Variants in TMEM132B observed in about 807,000 individuals in gnomAD.
TMEM132B encodes the protein transmembrane protein 132B.
Under a neutral mutation model 90.8 loss-of-function variants are expected in TMEM132B, and 18 were observed. The ratio of observed to expected loss-of-function variants is 0.20; its 90% CI spans 0.14 to 0.29. TMEM132B has a LOEUF of 0.29. Among genes scored for constraint, TMEM132B ranks in the 10% least tolerant of loss-of-function variants. The probability of loss-of-function intolerance (pLI) is 1.00; values close to 1 mark genes in which losing one functional copy is unlikely to be tolerated. For missense variants in TMEM132B, 1,096 were observed against 1,326.8 expected (o/e 0.83, Z 2.70); for synonymous variants, 504 against 523.3 (o/e 0.96, Z 0.50).
At chr12:125,637,496 GGGA>G (rs1427408087) in intron 5 of TMEM132B, among the ~76,000 whole-genome samples, 2 of 152,180 alleles carry the variant, frequency 1.3e-5, no homozygotes, top group African/African-American at 2.4e-5. Context: ...ATACATTTTA[GGGA>G]GGCATGAGAC....
chr12:125,462,048 T>C (rs1022821678), intron 3 of TMEM132B, among the ~76,000 whole-genome samples: 1 of 152,264 alleles, frequency 6.6e-6, no homozygotes, highest in Non-Finnish European at 1.5e-5. Flanking sequence ...TTGGCTGGGC[T>C]GGCTCACATG....
rs11307058 is a variant in TMEM132B, at chr12:125,262,245, CAA to C, written c.67+75399_67+75400del. Among the ~76,000 whole-genome samples, 335 of 84,272 alleles carry C rather than the reference CAA, an allele frequency of 4.0e-3. 2 individuals are homozygous for C. Among genetic ancestry groups the C allele is most frequent in the Non-Finnish European group, 5.3e-3 (220 of 41,258 alleles). The allele number at this position is 84,272 out of a possible 152,430, so 55.3% of individuals were successfully genotyped here. On this transcript the variant is annotated intron_variant, in intron 1 of 8. Coordinates refer to ENST00000682704, the MANE Select transcript of TMEM132B (RefSeq NM_001366854.1). ...GCAACATAACAAGACCCTGTTTCTA[CAA>C]AAAAAAAAAAAAAAAAAAAGGAAAC...
chr12:125,210,352 T>C (rs918700491), intron 1 of TMEM132B, among the ~76,000 whole-genome samples: 1 of 152,186 alleles, frequency 6.6e-6, no homozygotes, highest in Non-Finnish European at 1.5e-5. Context: ...GCAGCAGAGC[T>C]GCTGTGGGGG....
intron 2 of TMEM132B, among the ~76,000 whole-genome samples, chr12:125,392,063 G>A (rs1354272258): frequency 6.6e-6 from 1 of 152,150 alleles, no homozygotes; most frequent in African/African-American, 2.4e-5. Context: ...CACTGTGCCC[G>A]GCCTTAGTTT....
chr12:125,295,710 C>T (rs568247562), intron 1 of TMEM132B, among the ~76,000 whole-genome samples: 1 of 152,226 alleles, frequency 6.6e-6, no homozygotes, highest in Non-Finnish European at 1.5e-5. Context: ...CCATGTTGTA[C>T]TTAAAGCCAG....
chr12:125,388,900 C>A (rs1274152199), intron 2 of TMEM132B, among the ~76,000 whole-genome samples: 1 of 152,216 alleles, frequency 6.6e-6, no homozygotes, highest in African/African-American at 2.4e-5. Context: ...ACTACAAAAG[C>A]AATTCCTACT....
intron 3 of TMEM132B, among the ~76,000 whole-genome samples, chr12:125,507,006 AG>A: frequency 6.6e-6 from 1 of 152,384 alleles, no homozygotes; most frequent in Non-Finnish European, 1.5e-5. Context: ...ACTCCTTTGC[AG>A]GAAAATTGCC....
chr12:125,277,787 A>T lies in TMEM132B; in HGVS notation c.68-71665A>T, dbSNP rs894258424. Among the ~76,000 whole-genome samples, 5 of 152,150 alleles carry T rather than the reference A, an allele frequency of 3.3e-5. No homozygotes were observed. Among genetic ancestry groups the T allele is most frequent in the Admixed American group, 2.6e-4 (4 of 15,282 alleles). On this transcript the variant is annotated intron_variant, in intron 1 of 8. Transcript: ENST00000682704. This position sits in a 1 kb window ranked among gnomAD's most constrained non-coding sequence, Gnocchi z 4.3. ...GTAATTTGTTGTGGCAGCTCTGGGG[A>T]GCTAACAACGACGTTAAAAAAAGTT...
intron 1 of TMEM132B, among the ~76,000 whole-genome samples, chr12:125,335,941 T>C (rs6488997): frequency 0.54 from 81,971 of 152,010 alleles, 23,830 homozygotes; most frequent in African/African-American, 0.74. Flanking sequence ...GAGCCAAGAT[T>C]GCGCCACTGC....
At chr12:125,452,512 A>C (rs1881181111) in intron 3 of TMEM132B, among the ~76,000 whole-genome samples, 1 of 152,240 alleles carries the variant, frequency 6.6e-6, no homozygotes. Flanking sequence ...TGGAAATGCT[A>C]GGTTATAGCT....
rs140467836 is a variant in TMEM132B, at chr12:125,572,207, G to A, written c.1294-11644G>A. ...CTAGTGATGTTGTCTTTGATCACAT[G>A]GAAAACAGGGTGCTATGGTCTGTGT... On this transcript the variant is annotated intron_variant, in intron 4 of 8. Transcript: ENST00000682704. Among the ~76,000 whole-genome samples, 680 of 152,300 alleles carry A rather than the reference G, an allele frequency of 4.5e-3. 8 individuals are homozygous for A. Among genetic ancestry groups the A allele is most frequent in the African/African-American group, 0.015 (628 of 41,562 alleles).
chr12:125,386,392 A>G (rs533805294), intron 2 of TMEM132B, among the ~76,000 whole-genome samples: 62 of 152,354 alleles, frequency 4.1e-4, no homozygotes, highest in Admixed American at 8.5e-4. Context: ...ACGTATGACT[A>G]TGGTCTAGAT....
Position 125,575,489 on chromosome 12 carries a change from A to G in TMEM132B, c.1294-8362A>G, listed in dbSNP as rs7294413. Among the ~76,000 whole-genome samples the G allele has an allele frequency of 2.4e-3, 356 of 151,330 alleles. 2 individuals carry two copies. The highest frequency in any genetic ancestry group is 8.4e-3 in the African/African-American group (349 of 41,336). ...ACCCTTATCAAATATATTATTTGCAAATATTTTCTCCCATTTGTGGATTGT... is the reference window on the plus strand; with the variant it reads ...ACCCTTATCAAATATATTATTTGCAGATATTTTCTCCCATTTGTGGATTGT... On this transcript the variant is annotated intron_variant, in intron 4 of 8. Coordinates refer to ENST00000682704, the MANE Select transcript of TMEM132B (RefSeq NM_001366854.1).
intron 5 of TMEM132B, among the ~76,000 whole-genome samples, chr12:125,612,150 A>C (rs61095992): frequency 0.027 from 4,081 of 152,210 alleles, 204 homozygotes; most frequent in African/African-American, 0.093. Context: ...TTATCATTAA[A>C]AAAGGTCCCT....
intron 5 of TMEM132B, among the ~76,000 whole-genome samples, chr12:125,610,157 T>G (rs942730826): frequency 2.0e-5 from 3 of 152,150 alleles, no homozygotes; most frequent in Non-Finnish European, 4.4e-5. Context: ...ATTTTCTATA[T>G]ATATAATAGC....
chr12:125,505,666 C>T (rs1437768452), intron 3 of TMEM132B, among the ~76,000 whole-genome samples: 1 of 149,684 alleles, frequency 6.7e-6, no homozygotes, highest in South Asian at 2.1e-4. Context: ...CCACTGTGCT[C>T]AAGCTTGGGC....
At chr12:125,630,798 T>G (rs2136994596) in intron 5 of TMEM132B, among the ~76,000 whole-genome samples, 1 of 152,202 alleles carries the variant, frequency 6.6e-6, no homozygotes, top group South Asian at 2.1e-4. Context: ...CGTACATAAG[T>G]TCTCATCATT....
At chr12:125,584,279 C>G in intron 5 of TMEM132B, 2 of 402,196 alleles carry the variant, frequency 5.0e-6, no homozygotes, top group Non-Finnish European at 9.2e-6. Flanking sequence ...CCCTATTCTT[C>G]TCTCTATCTT....
chr12:125,315,491 G>A (rs1876243456), intron 1 of TMEM132B, among the ~76,000 whole-genome samples: 1 of 152,170 alleles, frequency 6.6e-6, no homozygotes, highest in Non-Finnish European at 1.5e-5. Context: ...GAACCACCAC[G>A]CCTGGTCAAT....
Sources: gnomAD v4.1 joint callset for allele counts (sites outside exome capture counted in the v4.1 genomes callset) on GRCh38, gnomAD v4.1.1 for gene constraint, Gnocchi (gnomAD v3.1) non-coding constraint, MANE v1.5 for transcripts, NCBI Gene and HGNC (gene_info 2026-07-23, HGNC 2026-07-21) for gene names.